BRAF: variants seen among roughly 807,000 people sequenced by gnomAD.
BRAF encodes serine/threonine-protein kinase B-raf.
A neutral mutation model predicts 104.6 loss-of-function variants in BRAF; 16 were observed. The observed-to-expected ratio is 0.15, with a 90% CI of 0.10 to 0.23. The LOEUF is 0.23. Ranked by LOEUF, BRAF falls within the 10% of genes least tolerant of loss-of-function variation. The probability of loss-of-function intolerance (pLI) is 1.00; values close to 1 mark genes in which losing one functional copy is unlikely to be tolerated. For synonymous variants in BRAF, 310 were observed against 341.6 expected (o/e 0.91, Z 1.02); for missense variants, 541 against 937.3 (o/e 0.58, Z 5.52).
Position 140,722,048 on chromosome 7 carries a change from C to T in BRAF, c.*4446G>A, listed in dbSNP as rs1166565550. 1 of 1,109,538 alleles carries T rather than the reference C, an allele frequency of 9.0e-7. No homozygotes were observed. Among genetic ancestry groups the T allele is most frequent in the African/African-American group, 1.6e-5 (1 of 62,360 alleles). 68.7% of individuals were successfully genotyped at this position (1,109,538 alleles called of 1,614,324 possible). On this transcript the variant is annotated 3_prime_UTR_variant, in exon 20 of 20. Transcript: ENST00000644969. ...GATTGCTGCCCATCATACAGTACTT[C>T]AACCCTAAACTACAGCAATTTCTGT...
At chr7:140,774,666 GCCA>G (rs1395994241) in intron 14 of BRAF, among the ~76,000 whole-genome samples, 1 of 152,194 alleles carries the variant, frequency 6.6e-6, no homozygotes, top group East Asian at 1.9e-4. Flanking sequence ...ACAGGCAAGT[GCCA>G]CCACACCTTG....
In BRAF at chr7:140,846,976, T is replaced by C. The variant is rs570204043; in HGVS notation, c.240+3135A>G. ...TTTGAGACAAGCCTGGCCAACATGG[T>C]GAAACCTGTCTCCACTAAAAATACA... On this transcript the variant is annotated intron_variant, in intron 2 of 19. Coordinates refer to ENST00000644969, the MANE Select transcript of BRAF (RefSeq NM_001374258.1). Among the ~76,000 whole-genome samples the C allele has an allele frequency of 4.0e-5, 6 of 151,876 alleles. No homozygotes were observed. In the East Asian group the frequency reaches 1.2e-3, roughly 30 times the overall value.
intron 1 of BRAF, among the ~76,000 whole-genome samples, chr7:140,877,338 C>T (rs1055139612): frequency 1.0e-4 from 15 of 146,666 alleles, no homozygotes; most frequent in Non-Finnish European, 2.2e-4. Flanking sequence ...TAGTTTCAAA[C>T]TCCTAGGCTC....
At chr7:140,832,552 T>C (rs1451433908) in intron 3 of BRAF, among the ~76,000 whole-genome samples, 1 of 152,212 alleles carries the variant, frequency 6.6e-6, no homozygotes, top group African/African-American at 2.4e-5. Context: ...ATAACGTTCT[T>C]GAAAGAGTTT....
chr7:140,769,017 A>C (rs930433167), intron 14 of BRAF, among the ~76,000 whole-genome samples: 2 of 152,150 alleles, frequency 1.3e-5, no homozygotes, highest in African/African-American at 2.4e-5. Context: ...TTTGCAGAAA[A>C]CAACAAATTA....
rs1409069619 is a variant in BRAF at position 140,724,870 on chromosome 7, GCTTT to G, written c.*1620_*1623del. 1 of 1,037,434 alleles carries G rather than the reference GCTTT, an allele frequency of 9.6e-7. No individual in the cohort carries two copies. The highest frequency in any genetic ancestry group is 1.2e-6 in the Non-Finnish European group (1 of 861,734). The allele number at this position is 1,037,434 out of a possible 1,614,324, so 64.3% of individuals were successfully genotyped here. ...CCATTAATTTGCCATTAATACATCC[GCTTT>G]CTTTGCTATGACTGTGATTGATATT... is the stretch of plus-strand genomic sequence containing the variant. On this transcript the variant is annotated 3_prime_UTR_variant, in exon 20 of 20. Transcript: ENST00000644969.
intron 1 of BRAF, among the ~76,000 whole-genome samples, chr7:140,853,401 T>A (rs1019946987): frequency 2.0e-5 from 3 of 152,010 alleles, no homozygotes; most frequent in African/African-American, 7.2e-5. Flanking sequence ...AGATCACATG[T>A]CATTCTCTTG....
chr7:140,721,118 T>C lies in BRAF; in HGVS notation c.*5376A>G, dbSNP rs917177158. On this transcript the variant is annotated 3_prime_UTR_variant, in exon 20 of 20. Transcript: ENST00000644969. Reference sequence around the variant, plus strand: ...TAAAAAATGGATACACTGGCTTACATTGGCTGTGTCCTCATACACACTCGT... The same window carrying C: ...TAAAAAATGGATACACTGGCTTACACTGGCTGTGTCCTCATACACACTCGT... 40 of 1,064,614 alleles carry C rather than the reference T, an allele frequency of 3.8e-5. No homozygotes were observed. The highest frequency in any genetic ancestry group is 2.6e-4 in the African/African-American group (16 of 61,148). 65.9% of individuals were successfully genotyped at this position (1,064,614 alleles called of 1,614,324 possible). A position where few individuals can be genotyped will look rare whatever the true frequency, so the allele number is the denominator to read the frequency against.
intron 2 of BRAF, among the ~76,000 whole-genome samples, chr7:140,836,489 G>C (rs540946074): frequency 1.3e-5 from 2 of 150,174 alleles, no homozygotes; most frequent in African/African-American, 2.5e-5. Context: ...AACAAATAAG[G>C]GGGGCGGGGA....
chr7:140,866,321 G>T (rs1258041427), intron 1 of BRAF, among the ~76,000 whole-genome samples: 8 of 152,078 alleles, frequency 5.3e-5, no homozygotes, highest in African/African-American at 1.9e-4. Flanking sequence ...GTTACTCTCA[G>T]TTCTCCAAAA....
intron 1 of BRAF, among the ~76,000 whole-genome samples, chr7:140,880,022 G>A (rs922223055): frequency 6.6e-6 from 1 of 152,068 alleles, no homozygotes; most frequent in Non-Finnish European, 1.5e-5. Flanking sequence ...GTAAGCTACC[G>A]TGCCCGGCCG....
intron 3 of BRAF, chr7:140,823,446 T>C (rs544052493): frequency 1.3e-5 from 2 of 152,288 alleles, no homozygotes; most frequent in African/African-American, 4.8e-5. Flanking sequence ...CTCATTTCAC[T>C]TAACATAATG....
intron 18 of BRAF, among the ~76,000 whole-genome samples, chr7:140,735,555 C>T (rs963227831): frequency 1.3e-5 from 2 of 151,934 alleles, no homozygotes; most frequent in Non-Finnish European, 2.9e-5. Flanking sequence ...TCCTGAGATA[C>T]CAATTTTTTT....
chr7:140,798,262 C>CTTTTTTTTCCTTTTTTTTT (rs1554402845), intron 7 of BRAF, among the ~76,000 whole-genome samples: 1 of 32,622 alleles, frequency 3.1e-5, no homozygotes, highest in Non-Finnish European at 5.4e-5. Flanking sequence ...TGTATGGGGA[C>CTTTTTTTTCCTTTTTTTTT]TTTTTTTTTC....
At chr7:140,739,967 G>A (rs748758036) in intron 17 of BRAF, 21 bp from the exon 17 acceptor site, 2 of 1,610,666 alleles carry the variant, frequency 1.2e-6, no homozygotes, top group South Asian at 2.2e-5. Flanking sequence ...AAAAAAAAGG[G>A]AAATAATTCA....
downstream of BRAF, among the ~76,000 whole-genome samples, chr7:140,717,291 T>C (rs1563218994): frequency 1.3e-5 from 2 of 152,160 alleles, no homozygotes; most frequent in African/African-American, 4.8e-5. Context: ...CAGTTTTTTT[T>C]TTTCTCTGAA....
intron 3 of BRAF, among the ~76,000 whole-genome samples, chr7:140,810,555 G>C (rs1001467726): frequency 2.6e-5 from 4 of 152,128 alleles, no homozygotes; most frequent in Non-Finnish European, 4.4e-5. Flanking sequence ...GGGTGACAGA[G>C]CGAGATACTG....
In BRAF at chr7:140,720,605, GTAAT is replaced by G. The variant is rs1795274418; in HGVS notation, c.*5885_*5888del. Reference sequence around the variant, plus strand: ...ATTGCACTCTTACATTTGATTTCAGGTAATTACAGTTTATTTCCCACCCTCACAT... The same window carrying G: ...ATTGCACTCTTACATTTGATTTCAGGTACAGTTTATTTCCCACCCTCACAT... On this transcript the variant is annotated 3_prime_UTR_variant, in exon 20 of 20. Transcript: ENST00000644969. 1 of 1,065,394 alleles carries G rather than the reference GTAAT, an allele frequency of 9.4e-7. No homozygotes were observed. The highest frequency in any genetic ancestry group is 1.1e-6 in the Non-Finnish European group (1 of 879,538). 66.0% of individuals were successfully genotyped at this position (1,065,394 alleles called of 1,614,324 possible).
chr7:140,726,255 A>G lies in BRAF; in HGVS notation c.*239T>C. On this transcript the variant is annotated 3_prime_UTR_variant, in exon 20 of 20. Transcript: ENST00000644969. ...CTCCTCTTTCTTCCTGGGACTGGGCAGACTTGTATGCTCGTGGTATTTTTG... is the reference window on the plus strand; with the variant it reads ...CTCCTCTTTCTTCCTGGGACTGGGCGGACTTGTATGCTCGTGGTATTTTTG... 7.2e-7 allele frequency: 1 copy of G among 1,384,248 alleles called. No individual in the cohort carries two copies. Among genetic ancestry groups the G allele is most frequent in the Non-Finnish European group, 9.3e-7 (1 of 1,074,364 alleles). The allele number at this position is 1,384,248 out of a possible 1,614,324, so 85.7% of individuals were successfully genotyped here. A position where few individuals can be genotyped will look rare whatever the true frequency, so the allele number is the denominator to read the frequency against.
Sources: allele counts gnomAD v4.1 joint callset (sites outside exome capture counted in the v4.1 genomes callset), GRCh38; gene constraint gnomAD v4.1.1; transcripts MANE v1.5; gene names NCBI Gene and HGNC (gene_info 2026-07-23, HGNC 2026-07-21).